The following ACTN1 variants were observed in gnomAD, a reference collection of about 807,000 sequenced individuals.
The protein encoded by ACTN1 is actinin alpha 1.
In ACTN1, 30 loss-of-function variants were observed where a neutral mutation model predicts 119.6. The observed-to-expected ratio is 0.25, with a 90% confidence interval of 0.19 to 0.34. The LOEUF is 0.34. Ranked by LOEUF, ACTN1 falls within the 10% of genes least tolerant of loss-of-function variation. ACTN1 has a pLI of 1.00. For synonymous variants in ACTN1, 429 were observed against 472.6 expected (o/e 0.91, Z 1.20); for missense variants, 764 against 1,223.4 (o/e 0.62, Z 5.60).
At chr14:68,942,671 C>T (rs768276243) in intron 1 of ACTN1, among the ~76,000 whole-genome samples, 5 of 152,146 alleles carry the variant, frequency 3.3e-5, no homozygotes, top group Non-Finnish European at 5.9e-5. Flanking sequence ...TTGAGGGATC[C>T]GGAAGCCCTC....
intron 9 of ACTN1, among the ~76,000 whole-genome samples, chr14:68,892,854 A>G (rs1163053510): frequency 6.6e-6 from 1 of 152,124 alleles, no homozygotes; most frequent in African/African-American, 2.4e-5. Context: ...TGCACATGAC[A>G]ATAGGAATAC....
intron 3 of ACTN1, among the ~76,000 whole-genome samples, chr14:68,919,085 C>T (rs2034499192): frequency 6.6e-6 from 1 of 152,224 alleles, no homozygotes; most frequent in Non-Finnish European, 1.5e-5. Flanking sequence ...CTTCCCTGCC[C>T]TCCTCCCCTT....
intron 1 of ACTN1, among the ~76,000 whole-genome samples, chr14:68,962,663 T>G (rs1408577825): frequency 6.6e-6 from 1 of 152,184 alleles, no homozygotes; most frequent in African/African-American, 2.4e-5. Context: ...CTGAGCCAGA[T>G]TCCATGTCCA....
At chr14:68,977,181 C>T (rs1288388820) in intron 1 of ACTN1, among the ~76,000 whole-genome samples, 1 of 152,190 alleles carries the variant, frequency 6.6e-6, no homozygotes, top group Non-Finnish European at 1.5e-5. Context: ...ATCCACCACC[C>T]TAATCTCACT....
In ACTN1 at chr14:68,879,108, T is replaced by C. The variant is rs1231431056; in HGVS notation, c.2281-39A>G. ...GCGCCAGGCAGCGAGCCATGCGGTG[T>C]CAGGGAGGTGGAGCCGTGAGGGGGG... On this transcript the variant is annotated intron_variant, in intron 18 of 21. Coordinates refer to ENST00000394419, the MANE Select transcript of ACTN1 (RefSeq NM_001130004.2). The surrounding 1 kb of genome is among the most constrained non-coding windows in gnomAD (Gnocchi z 4.9). The C allele has an allele frequency of 6.7e-7, 1 of 1,482,056 alleles. No homozygotes were observed. Among genetic ancestry groups the C allele is most frequent in the Middle Eastern group, 1.9e-4 (1 of 5,176 alleles). The allele number at this position is 1,482,056 out of a possible 1,614,324, so 91.8% of individuals were successfully genotyped here.
At chr14:68,917,786 C>T (rs890079682) in intron 3 of ACTN1, among the ~76,000 whole-genome samples, 7 of 152,220 alleles carry the variant, frequency 4.6e-5, no homozygotes, top group Admixed American at 1.3e-4. Context: ...AACTTTTCGT[C>T]GGGGCGTGGT....
chr14:68,908,985 G>T (rs730866), intron 6 of ACTN1, among the ~76,000 whole-genome samples: 26,749 of 152,192 alleles, frequency 0.18, 3,185 homozygotes, highest in East Asian at 0.63. Context: ...GATGAAAATA[G>T]TGTCTCCTCT....
At chr14:68,920,527 T>C (rs1480411139) in intron 3 of ACTN1, among the ~76,000 whole-genome samples, 1 of 152,088 alleles carries the variant, frequency 6.6e-6, no homozygotes, top group Non-Finnish European at 1.5e-5. Flanking sequence ...AGTTAAAGAG[T>C]TAGGAAGCTA....
intron 8 of ACTN1, among the ~76,000 whole-genome samples, chr14:68,898,282 G>C (rs1009905880): frequency 6.6e-6 from 1 of 152,338 alleles, no homozygotes; most frequent in African/African-American, 2.4e-5. Flanking sequence ...TCCCTGTAAG[G>C]GAAGAGGAGG....
intron 4 of ACTN1, among the ~76,000 whole-genome samples, chr14:68,910,455 C>T (rs2033938409): frequency 6.6e-6 from 1 of 152,158 alleles, no homozygotes; most frequent in Admixed American, 6.5e-5. Context: ...GGGGTGCACA[C>T]AGCTGAGTGA....
intron 21 of ACTN1, 144 bp downstream of exon 21, chr14:68,876,938 A>C: frequency 1.1e-6 from 1 of 938,804 alleles, no homozygotes; most frequent in Non-Finnish European, 1.6e-6. Context: ...TACAGAAATG[A>C]GTAGAAGTGG....
Position 68,901,692 on chromosome 14 carries a change from G to GC in ACTN1, c.762+784dup, listed in dbSNP as rs566465439. On this transcript the variant is annotated intron_variant, in intron 8 of 21. Transcript: ENST00000394419. ...GAGGTCTGGGGGAGGGGTGTATGCT[G>GC]CCTAAGCCTGGTGATGAAAATGTTC... is the stretch of plus-strand genomic sequence containing the variant. Among the ~76,000 whole-genome samples, 134 of 152,330 alleles carry GC rather than the reference G, an allele frequency of 8.8e-4. 1 individual carries two copies. Among genetic ancestry groups the GC allele is most frequent in the Middle Eastern group, 3.4e-3 (1 of 294 alleles).
intron 1 of ACTN1, among the ~76,000 whole-genome samples, chr14:68,975,516 T>G (rs1023364111): frequency 1.3e-5 from 2 of 152,176 alleles, no homozygotes; most frequent in African/African-American, 2.4e-5. Context: ...GCCAGGATCC[T>G]ACACCAAGCT....
At chr14:68,948,130 G>T (rs1328832203) in intron 1 of ACTN1, among the ~76,000 whole-genome samples, 1 of 152,118 alleles carries the variant, frequency 6.6e-6, no homozygotes. Context: ...GCACACAGAG[G>T]TCCTAGGAAG....
At position 68,879,146 on chromosome 14, in the gene ACTN1, G is replaced by T; in HGVS notation, c.2281-77C>A. The T allele has an allele frequency of 7.0e-7, 1 of 1,430,670 alleles. No individual in the cohort carries two copies. The allele number at this position is 1,430,670 out of a possible 1,614,324, so 88.6% of individuals were successfully genotyped here. A position where few individuals can be genotyped will look rare whatever the true frequency, so the allele number is the denominator to read the frequency against. On this transcript the variant is annotated intron_variant, in intron 18 of 21. Coordinates refer to ENST00000394419, the MANE Select transcript of ACTN1 (RefSeq NM_001130004.2). The surrounding 1 kb of genome is among the most constrained non-coding windows in gnomAD (Gnocchi z 4.9). Reference sequence around the variant, plus strand: ...GCCGTGAGGGGGGCATGCCCCGGGGGAGGGTGGCGTGTGTGGGGAGACACA... The same window carrying T: ...GCCGTGAGGGGGGCATGCCCCGGGGTAGGGTGGCGTGTGTGGGGAGACACA...
intron 1 of ACTN1, among the ~76,000 whole-genome samples, chr14:68,934,538 G>C (rs947536373): frequency 1.3e-5 from 2 of 152,198 alleles, no homozygotes; most frequent in Admixed American, 1.3e-4. Flanking sequence ...CAACTCTGAT[G>C]GACAGCAACT....
chr14:68,906,888 T>C lies in ACTN1; in HGVS notation c.595-2152A>G, dbSNP rs187186354. On this transcript the variant is annotated intron_variant, in intron 6 of 21. Coordinates refer to ENST00000394419, the MANE Select transcript of ACTN1 (RefSeq NM_001130004.2). The stretch of plus-strand genomic sequence containing the variant: ...CTGTAATCCCAGCTACTTGGGAGGC[T>C]GAGGCAGGAGGGTCACATTGAGGCC... Among the ~76,000 whole-genome samples, 124 of 152,130 alleles carry C rather than the reference T, an allele frequency of 8.2e-4. No individual in the cohort carries two copies. The East Asian group carries it at 0.02, about 25-fold the overall frequency.
chr14:68,907,191 G>A (rs2033714890), intron 6 of ACTN1, among the ~76,000 whole-genome samples: 2 of 150,890 alleles, frequency 1.3e-5, no homozygotes, highest in Non-Finnish European at 2.9e-5. Flanking sequence ...GAACCTGGGA[G>A]GCGGAGGTTG....
At chr14:68,893,366 G>C (rs1207112819) in intron 9 of ACTN1, among the ~76,000 whole-genome samples, 1 of 152,152 alleles carries the variant, frequency 6.6e-6, no homozygotes, top group Admixed American at 6.5e-5. Flanking sequence ...AGGCTGGAAA[G>C]GCTTTGACAT....
Sources: allele counts gnomAD v4.1 joint callset (sites outside exome capture counted in the v4.1 genomes callset), GRCh38; gene constraint gnomAD v4.1.1; non-coding constraint Gnocchi (gnomAD v3.1); transcripts MANE v1.5; gene names NCBI Gene and HGNC (gene_info 2026-07-23, HGNC 2026-07-21).